Variants in PATZ1 observed in about 807,000 individuals in gnomAD.
PATZ1 encodes the protein POZ/BTB and AT hook containing zinc finger 1.
In PATZ1, 9 loss-of-function variants were observed where a neutral mutation model predicts 46.2. That is an observed-to-expected ratio of 0.19 (90% CI 0.12 to 0.34). PATZ1 has a LOEUF of 0.34. Ranked by LOEUF, PATZ1 falls within the 10% of genes least tolerant of loss-of-function variation. The probability of loss-of-function intolerance (pLI) is 1.00; values close to 1 mark genes in which losing one functional copy is unlikely to be tolerated. For synonymous variants in PATZ1, 426 were observed against 378.6 expected (o/e 1.13, Z -1.45); for missense variants, 632 against 923.0 (o/e 0.68, Z 4.08).
Position 31,326,829 on chromosome 22 carries a change from G to A in PATZ1, c.*62C>T, listed in dbSNP as rs183633830. 45 of 1,421,014 alleles carry A rather than the reference G, an allele frequency of 3.2e-5. No individual in the cohort carries two copies. In the East Asian group the frequency reaches 7.6e-4, roughly 24 times the overall value. The allele number at this position is 1,421,014 out of a possible 1,614,324, so 88.0% of individuals were successfully genotyped here. The stretch of plus-strand genomic sequence containing the variant: ...CAGAACCCAAACATCACTTCCCTCC[G>A]CATTCACAGCATTTCCCAGCAGTCC... On this transcript the variant is annotated 3_prime_UTR_variant, in exon 5 of 5. Coordinates refer to ENST00000266269, the MANE Select transcript of PATZ1 (RefSeq NM_014323.3).
Position 31,345,370 on chromosome 22 carries a change from C to T in PATZ1, c.233G>A (p.Gly78Glu), listed in dbSNP as rs1204421603. The T allele has an allele frequency of 6.2e-7, 1 of 1,606,864 alleles. No homozygotes were observed. Among genetic ancestry groups the T allele is most frequent in the South Asian group, 1.1e-5 (1 of 90,692 alleles). The change falls in exon 1 of 5, where the codon GGA becomes GAA. Residue 78 changes from glycine (G) to glutamate (E), a missense_variant. Around this residue, in one of 7 missense-constraint regions of PATZ1, gnomAD observed 62 missense variants for 67.9 expected, o/e 0.91. Coordinates refer to ENST00000266269, the MANE Select transcript of PATZ1 (RefSeq NM_014323.3). The surrounding 1 kb of genome is among the most constrained non-coding windows in gnomAD (Gnocchi z 7.4). ...SVFSAQLGDG[G>E]AADGGPADVG... ...ATCAGCCGGACCCCCGTCCGCAGCT[C>T]CGCCGTCGCCCAACTGGGCGCTGAA...
intron 3 of PATZ1, among the ~76,000 whole-genome samples, chr22:31,332,857 ACATAGG>A (rs2049459821): frequency 6.6e-6 from 1 of 152,260 alleles, no homozygotes; most frequent in Admixed American, 6.5e-5. Flanking sequence ...CCATACCAGC[ACATAGG>A]CATATATACA....
intron 2 of PATZ1, chr22:31,341,702 G>A: frequency 6.3e-7 from 1 of 1,591,564 alleles, no homozygotes; most frequent in Non-Finnish European, 8.6e-7. Flanking sequence ...AGGGCAGAGA[G>A]TGCAGGTTAC....
At position 31,326,753 on chromosome 22, in the gene PATZ1, G is replaced by A. The variant is rs1360429806; in HGVS notation, c.*138C>T. ...TGGGAGAATGGGTGGTGGAGAAGGA[G>A]TTGGAGTGGGGTTGGGGGGCAGTTA... On this transcript the variant is annotated 3_prime_UTR_variant, in exon 5 of 5. Coordinates refer to ENST00000266269, the MANE Select transcript of PATZ1 (RefSeq NM_014323.3). 6.0e-6 allele frequency: 4 copies of A among 669,552 alleles called. No individual in the cohort carries two copies. Among genetic ancestry groups the A allele is most frequent in the African/African-American group, 5.5e-5 (3 of 55,032 alleles). 41.5% of individuals were successfully genotyped at this position (669,552 alleles called of 1,614,324 possible).
chr22:31,332,874 A>G (rs1454478138), intron 3 of PATZ1, among the ~76,000 whole-genome samples: 1 of 152,226 alleles, frequency 6.6e-6, no homozygotes, highest in African/African-American at 2.4e-5. Flanking sequence ...CATATATACA[A>G]AGATCCTGCT....
intron 3 of PATZ1, among the ~76,000 whole-genome samples, chr22:31,333,476 CT>C (rs71319182): frequency 0.086 from 11,029 of 128,616 alleles, 483 homozygotes; most frequent in East Asian, 0.32. Flanking sequence ...TATCCTCTTC[CT>C]TTTTTTTTTT....
rs1195492038 is a variant in PATZ1, at chr22:31,326,685, A to G, written c.*206T>C. ...CTGTCCCATACCAAGTCTCATTGAT[A>G]TTTCTGCAGAATATCAGATGAAAAT... is the stretch of plus-strand genomic sequence containing the variant. On this transcript the variant is annotated 3_prime_UTR_variant, in exon 5 of 5. Transcript: ENST00000266269. 3.4e-5 allele frequency: 19 copies of G among 563,378 alleles called. No homozygotes were observed. The highest frequency in any genetic ancestry group is 5.3e-5 in the Non-Finnish European group (17 of 320,080). 34.9% of individuals were successfully genotyped at this position (563,378 alleles called of 1,614,324 possible).
chr22:31,342,805 G>A (rs2145827996), intron 2 of PATZ1, 92 bp downstream of exon 2: 1 of 1,414,626 alleles, frequency 7.1e-7, no homozygotes, highest in Non-Finnish European at 9.9e-7. Flanking sequence ...GGTCAGCCGG[G>A]CCCCCGGCAC....
rs2049645683 is a variant in PATZ1, at chr22:31,345,686, A to G, written c.-84T>C. The G allele has an allele frequency of 7.4e-7, 1 of 1,358,874 alleles. No individual in the cohort carries two copies. Among genetic ancestry groups the G allele is most frequent in the South Asian group, 1.4e-5 (1 of 70,552 alleles). The allele number at this position is 1,358,874 out of a possible 1,614,324, so 84.2% of individuals were successfully genotyped here. A position where few individuals can be genotyped will look rare whatever the true frequency, so the allele number is the denominator to read the frequency against. On this transcript the variant is annotated 5_prime_UTR_variant, in exon 1 of 5. Transcript: ENST00000266269. This position sits in a 1 kb window ranked among gnomAD's most constrained non-coding sequence, Gnocchi z 7.4. ...TCAGCAGCGAGAAGCGGGGCGCAGC[A>G]GACGTGTCCACACTCCCCACACGTG... is the stretch of plus-strand genomic sequence containing the variant.
chr22:31,336,752 G>T (rs896991721), intron 2 of PATZ1, among the ~76,000 whole-genome samples: 1 of 143,782 alleles, frequency 7.0e-6, no homozygotes, highest in African/African-American at 2.6e-5. Flanking sequence ...GTTGCAGTGA[G>T]CCAAGATCGT....
At chr22:31,340,721 A>C in intron 2 of PATZ1, 1 of 1,045,690 alleles carries the variant, frequency 9.6e-7, no homozygotes. Context: ...CACCCCGCAG[A>C]GTCTGCGGAG....
chr22:31,329,798 C>T (rs1426638425), intron 3 of PATZ1, among the ~76,000 whole-genome samples: 1 of 152,156 alleles, frequency 6.6e-6, no homozygotes, highest in Non-Finnish European at 1.5e-5. Flanking sequence ...AGCAGCCATG[C>T]GTCCAAGGAT....
At position 31,346,227 on chromosome 22, in the gene PATZ1, T is replaced by G. The variant is rs1402908501; in HGVS notation, c.-625A>C. 1 of 151,204 alleles carries G rather than the reference T, an allele frequency of 6.6e-6. No individual in the cohort carries two copies. Among genetic ancestry groups the G allele is most frequent in the Non-Finnish European group, 1.4e-5 (1 of 70,388 alleles). 9.4% of individuals were successfully genotyped at this position (151,204 alleles called of 1,614,324 possible). A position where few individuals can be genotyped will look rare whatever the true frequency, so the allele number is the denominator to read the frequency against. On this transcript the variant is annotated 5_prime_UTR_variant, in exon 1 of 5. Coordinates refer to ENST00000266269, the MANE Select transcript of PATZ1 (RefSeq NM_014323.3). The stretch of plus-strand genomic sequence containing the variant: ...GGGCGGTGGCGGCGGCGGCGGCGGC[T>G]GGAGCGGGCGGGCGGCGGCGGCGGC...
chr22:31,329,685 C>T (rs1341319473), intron 3 of PATZ1, among the ~76,000 whole-genome samples: 1 of 152,118 alleles, frequency 6.6e-6, no homozygotes, highest in Non-Finnish European at 1.5e-5. Context: ...GAGGACAATC[C>T]GGCCTTCTTG....
intron 3 of PATZ1, among the ~76,000 whole-genome samples, chr22:31,330,484 G>A (rs1328417603): frequency 6.6e-6 from 1 of 151,600 alleles, no homozygotes; most frequent in African/African-American, 2.4e-5. Context: ...GGGCAACAGA[G>A]CGAGACTCCG....
Position 31,330,814 on chromosome 22 carries a change from A to G in PATZ1, c.1508-1890T>C, listed in dbSNP as rs539873197. On this transcript the variant is annotated intron_variant, in intron 3 of 4. Transcript: ENST00000266269. Reference sequence around the variant, plus strand: ...CCCTAGAAATATCCAGTGGACTTTTACAATAGGTTTCATTATTACCATTTA... The same window carrying G: ...CCCTAGAAATATCCAGTGGACTTTTGCAATAGGTTTCATTATTACCATTTA... Among the ~76,000 whole-genome samples, 18 of 152,322 alleles carry G rather than the reference A, an allele frequency of 1.2e-4. No homozygotes were observed. In the South Asian group the frequency reaches 3.7e-3, roughly 32 times the overall value.
rs571683560 is a variant in PATZ1 at position 31,341,107 on chromosome 22, G to A, written c.1335+1790C>T. The stretch of plus-strand genomic sequence containing the variant: ...TAAGCTGGTGGCTAGTTCCCAGGAA[G>A]GCACCAACCTCCAAAATCACCTAGG... On this transcript the variant is annotated intron_variant, in intron 2 of 4. Transcript: ENST00000266269. 2.7e-5 allele frequency: 30 copies of A among 1,127,406 alleles called. No individual in the cohort carries two copies. In the East Asian group the frequency reaches 8.2e-4, roughly 31 times the overall value. 69.8% of individuals were successfully genotyped at this position (1,127,406 alleles called of 1,614,324 possible).
chr22:31,327,227 C>T lies in PATZ1; in HGVS notation c.1728G>A (p.Thr576=), dbSNP rs1227572574. 1.3e-5 allele frequency: 21 copies of T among 1,614,086 alleles called. No individual in the cohort carries two copies. The highest frequency in any genetic ancestry group is 1.5e-5 in the Non-Finnish European group (18 of 1,180,018). ...GDLSDASDLK[T]PEKQSANGSF... ...AGCCATTGGCACTCTGCTTCTCTGG[C>T]GTCTTCAGGTCGCTGGCATCTGAGA... is the stretch of plus-strand genomic sequence containing the variant. The change falls in exon 5 of 5, where the codon ACG becomes ACA. Residue 576 remains threonine, a synonymous_variant. Transcript: ENST00000266269. This position sits in a 1 kb window ranked among gnomAD's most constrained non-coding sequence, Gnocchi z 4.2.
intron 2 of PATZ1, among the ~76,000 whole-genome samples, chr22:31,340,501 A>G (rs2049566860): frequency 6.6e-6 from 1 of 152,274 alleles, no homozygotes; most frequent in Middle Eastern, 3.4e-3. Flanking sequence ...GAGAGCCAGC[A>G]TGTCTTCACC....
Sources: gnomAD v4.1 joint callset for allele counts (sites outside exome capture counted in the v4.1 genomes callset) on GRCh38, gnomAD v4.1.1 for gene constraint, gnomAD v4.1.1 regional missense constraint, Gnocchi (gnomAD v3.1) non-coding constraint, MANE v1.5 for transcripts, NCBI Gene and HGNC (gene_info 2026-07-23, HGNC 2026-07-21) for gene names.